TEF: variants seen among roughly 807,000 people sequenced by gnomAD.
TEF encodes TEF transcription factor, PAR bZIP family member.
Under a neutral mutation model 20.8 loss-of-function variants are expected in TEF, and 3 were observed. That is an observed-to-expected ratio of 0.14 (90% CI 0.07 to 0.37). The LOEUF (loss-of-function observed/expected upper bound fraction) is 0.37, where lower values mean the gene tolerates loss of function less well. Ranked by LOEUF, TEF falls within the 10% of genes least tolerant of loss-of-function variation. TEF has a pLI of 1.00. For synonymous variants in TEF, 180 were observed against 171.1 expected, an observed-to-expected ratio of 1.05 and a Z score of -0.41; for missense variants, 296 against 397.9, an observed-to-expected ratio of 0.74 and a Z score of 2.18.
intron 1 of TEF, among the ~76,000 whole-genome samples, chr22:41,385,104 C>G (rs1413733291): frequency 6.6e-6 from 1 of 152,170 alleles, no homozygotes; most frequent in Admixed American, 6.5e-5. Context: ...TGGCTTATGC[C>G]TGTAATCCCA....
At chr22:41,395,720 A>G (rs371616533) in intron 3 of TEF, 25 bp from the exon 4 acceptor site, 115 of 1,606,216 alleles carry the variant, frequency 7.2e-5, no homozygotes, top group Non-Finnish European at 8.9e-5. Flanking sequence ...AAGACGAGAG[A>G]CTCACAGAGG....
At chr22:41,368,356 G>C (rs1333981749) in intron 1 of TEF, among the ~76,000 whole-genome samples, 1 of 152,108 alleles carries the variant, frequency 6.6e-6, no homozygotes, top group Admixed American at 6.5e-5. Context: ...GGCCCAGCTG[G>C]CTTTTGCTGC....
chr22:41,386,063 G>C (rs549569478), intron 1 of TEF, among the ~76,000 whole-genome samples: 1 of 152,126 alleles, frequency 6.6e-6, no homozygotes, highest in Non-Finnish European at 1.5e-5. Context: ...CTGACCTCGG[G>C]ATCCACTCGC....
In TEF at chr22:41,396,808, TCCAC is replaced by T. The variant is rs1451793978; in HGVS notation, c.*852_*855del. 1 of 397,046 alleles carries T rather than the reference TCCAC, an allele frequency of 2.5e-6. No homozygotes were observed. The highest frequency in any genetic ancestry group is 2.1e-5 in the African/African-American group (1 of 48,572). 24.6% of individuals were successfully genotyped at this position (397,046 alleles called of 1,614,324 possible). ...CAGGCCTCTGGGCCTGCTCTTTCTT[TCCAC>T]CCAATGTCCAGTCTTGGATCATAGA... On this transcript the variant is annotated 3_prime_UTR_variant, in exon 4 of 4. Transcript: ENST00000266304.
At chr22:41,387,159 G>T (rs560267753) in intron 1 of TEF, among the ~76,000 whole-genome samples, 192 bp from the exon 2 acceptor site, 261 of 152,306 alleles carry the variant, frequency 1.7e-3, no homozygotes, top group Non-Finnish European at 2.7e-3. Flanking sequence ...ATGGGATGCC[G>T]TGTCTAAAGG....
chr22:41,382,864 G>C (rs913133411), intron 1 of TEF: 18 of 470,800 alleles, frequency 3.8e-5, no homozygotes, highest in African/African-American at 3.6e-4. Context: ...GGTCAGATGA[G>C]TCCACTGAGG....
In TEF at chr22:41,382,037, G is replaced by T; in HGVS notation, c.-8G>T. The T allele has an allele frequency of 8.1e-7, 1 of 1,230,584 alleles. No homozygotes were observed. The highest frequency in any genetic ancestry group is 1.0e-6 in the Non-Finnish European group (1 of 987,200). The allele number at this position is 1,230,584 out of a possible 1,614,324, so 76.2% of individuals were successfully genotyped here. A position where few individuals can be genotyped will look rare whatever the true frequency, so the allele number is the denominator to read the frequency against. ...GAGGCGAGGTGCGCGAGCCGAGTCCGGGGCACGATGTCCGACGCGGGCGGC... is the reference window on the plus strand; with the variant it reads ...GAGGCGAGGTGCGCGAGCCGAGTCCTGGGCACGATGTCCGACGCGGGCGGC... On this transcript the variant is annotated 5_prime_UTR_variant, in exon 1 of 4. Transcript: ENST00000266304.
Position 41,382,167 on chromosome 22 carries a change from G to A in TEF, c.123G>A (p.Lys41=). The A allele has an allele frequency of 1.6e-6, 2 of 1,242,896 alleles. No homozygotes were observed. The highest frequency in any genetic ancestry group is 2.0e-6 in the Non-Finnish European group (2 of 994,304). 77.0% of individuals were successfully genotyped at this position (1,242,896 alleles called of 1,614,324 possible). A position where few individuals can be genotyped will look rare whatever the true frequency, so the allele number is the denominator to read the frequency against. Residue 41 remains lysine, a synonymous_variant, in exon 1 of 4, where the codon AAG becomes AAA. Coordinates refer to ENST00000266304, the MANE Select transcript of TEF (RefSeq NM_003216.4). ...LSGSFPLVLK[K]LMENPPREAR... ...GGTCCTTCCCCCTGGTCCTGAAGAA[G>A]CTGATGGAGAACCCCCCGCGCGAGG...
rs979326515 is a variant in TEF, at chr22:41,397,236, C to T, written c.*1276C>T. ...CAGGAGATGGGGGCCACTCGTGAGG[C>T]TGGCCATGCTGTGGCTTCTCACAGC... On this transcript the variant is annotated 3_prime_UTR_variant, in exon 4 of 4. Coordinates refer to ENST00000266304, the MANE Select transcript of TEF (RefSeq NM_003216.4). The T allele has an allele frequency of 2.5e-6, 1 of 397,750 alleles. No individual in the cohort carries two copies. Among genetic ancestry groups the T allele is most frequent in the Non-Finnish European group, 4.4e-6 (1 of 225,868 alleles). The allele number at this position is 397,750 out of a possible 1,614,324, so 24.6% of individuals were successfully genotyped here.
At chr22:41,394,885 G>A (rs574859943) in intron 3 of TEF, among the ~76,000 whole-genome samples, 2 of 152,176 alleles carry the variant, frequency 1.3e-5, no homozygotes, top group Non-Finnish European at 2.9e-5. Context: ...TCTGTAAAAC[G>A]GGAGCAACTG....
chr22:41,396,955 C>G lies in TEF; in HGVS notation c.*995C>G, dbSNP rs2037236596. Reference sequence around the variant, plus strand: ...CCCCCTTCCACCATGGGCATGAGAGCTGGGGTGTGTTTCTTGAGAAGCTCC... The same window carrying G: ...CCCCCTTCCACCATGGGCATGAGAGGTGGGGTGTGTTTCTTGAGAAGCTCC... On this transcript the variant is annotated 3_prime_UTR_variant, in exon 4 of 4. Coordinates refer to ENST00000266304, the MANE Select transcript of TEF (RefSeq NM_003216.4). 1.3e-5 allele frequency: 5 copies of G among 398,612 alleles called. No homozygotes were observed. Among genetic ancestry groups the G allele is most frequent in the Non-Finnish European group, 1.8e-5 (4 of 226,198 alleles). 24.7% of individuals were successfully genotyped at this position (398,612 alleles called of 1,614,324 possible). A position where few individuals can be genotyped will look rare whatever the true frequency, so the allele number is the denominator to read the frequency against.
rs201504261 is a variant in TEF at position 41,394,196 on chromosome 22, C to T, written c.576C>T (p.Leu192=). 10 of 1,614,044 alleles carry T rather than the reference C, an allele frequency of 6.2e-6. No individual in the cohort carries two copies. Among genetic ancestry groups the T allele is most frequent in the Non-Finnish European group, 7.6e-6 (9 of 1,180,042 alleles). The change falls in exon 3 of 4, where the codon CTC becomes CTT. Residue 192 remains leucine, a synonymous_variant. Coordinates refer to ENST00000266304, the MANE Select transcript of TEF (RefSeq NM_003216.4). ...ATCCGGACCCCGCCGACCTGGTGCT[C>T]TCCAGTGTGCCAGGCGGGGAGCTCT... ...NFNPDPADLV[L]SSVPGGELFN...
At chr22:41,385,418 A>G (rs2037085903) in intron 1 of TEF, among the ~76,000 whole-genome samples, 1 of 152,140 alleles carries the variant, frequency 6.6e-6, no homozygotes, top group Non-Finnish European at 1.5e-5. Context: ...ATCCTTATGT[A>G]CAGTGGAGGA....
chr22:41,395,275 G>C (rs1450168336), intron 3 of TEF, among the ~76,000 whole-genome samples: 2 of 152,118 alleles, frequency 1.3e-5, no homozygotes, highest in Non-Finnish European at 2.9e-5. Flanking sequence ...CAAAATGCTG[G>C]GATTACAGGT....
In TEF at chr22:41,396,761, A is replaced by AGTCCCACT. The variant is rs1475053522; in HGVS notation, c.*801_*802insGTCCCACT. ...CTCCAGGCTACTCAGAGGCCATGTG[A>AGTCCCACT]AGCTCGTTTGTCCCACTAGACCAGG... On this transcript the variant is annotated 3_prime_UTR_variant, in exon 4 of 4. Transcript: ENST00000266304. 1 of 394,914 alleles carries AGTCCCACT rather than the reference A, an allele frequency of 2.5e-6. No individual in the cohort carries two copies. Among genetic ancestry groups the AGTCCCACT allele is most frequent in the African/African-American group, 2.1e-5 (1 of 48,504 alleles). The allele number at this position is 394,914 out of a possible 1,614,324, so 24.5% of individuals were successfully genotyped here. A position where few individuals can be genotyped will look rare whatever the true frequency, so the allele number is the denominator to read the frequency against.
intron 1 of TEF, among the ~76,000 whole-genome samples, chr22:41,376,719 G>C (rs1250475040): frequency 6.6e-6 from 1 of 152,128 alleles, no homozygotes; most frequent in Non-Finnish European, 1.5e-5. Flanking sequence ...ACCCAACACA[G>C]CTTGAACGGA....
upstream of TEF, among the ~76,000 whole-genome samples, chr22:41,379,051 G>GT (rs2036981734): frequency 6.6e-6 from 1 of 152,172 alleles, no homozygotes; most frequent in African/African-American, 2.4e-5. Flanking sequence ...CAGAAACCCC[G>GT]TAAGGTAGGC....
chr22:41,382,494 C>T (rs1007047542), intron 1 of TEF, among the ~76,000 whole-genome samples: 27 of 152,218 alleles, frequency 1.8e-4, no homozygotes, highest in African/African-American at 6.3e-4. Flanking sequence ...CCCCCGGGGC[C>T]ACCTGCATCG....
rs1182627182 is a variant in TEF at position 41,397,538 on chromosome 22, A to G, written c.*1578A>G. On this transcript the variant is annotated 3_prime_UTR_variant, in exon 4 of 4. Transcript: ENST00000266304. Reference sequence around the variant, plus strand: ...CCCTGACCTCTAAAGACTTTTCATAACAGACGTTAAGACCAAGCCGTGGAC... The same window carrying G: ...CCCTGACCTCTAAAGACTTTTCATAGCAGACGTTAAGACCAAGCCGTGGAC... 1 of 155,056 alleles carries G rather than the reference A, an allele frequency of 6.4e-6. No homozygotes were observed. Among genetic ancestry groups the G allele is most frequent in the Non-Finnish European group, 1.4e-5 (1 of 69,750 alleles). 9.6% of individuals were successfully genotyped at this position (155,056 alleles called of 1,614,324 possible).
Sources: allele counts gnomAD v4.1 joint callset (sites outside exome capture counted in the v4.1 genomes callset), GRCh38; gene constraint gnomAD v4.1.1; transcripts MANE v1.5; gene names NCBI Gene and HGNC (gene_info 2026-07-23, HGNC 2026-07-21).